The following STAP1 variants were observed in gnomAD, a reference collection of about 807,000 sequenced individuals.
STAP1 encodes the protein signal transducing adaptor family member 1, also known as signal-transducing adaptor protein 1.
Under a neutral mutation model 37.8 loss-of-function variants are expected in STAP1, and 30 were observed. That is an observed-to-expected ratio of 0.79 (90% confidence interval 0.59 to 1.08). The LOEUF is 1.08. Among genes scored for constraint, STAP1 ranks in the 50% least tolerant of loss-of-function variants. The pLI is 0.00. For synonymous variants in STAP1, 130 were observed against 116.0 expected, an observed-to-expected ratio of 1.12 and a Z score of -0.78; for missense variants, 357 against 349.4, an observed-to-expected ratio of 1.02 and a Z score of -0.17.
At chr4:67,590,984 A>G (rs780503699) in intron 7 of STAP1, 31 bp downstream of exon 7, 7 of 1,569,010 alleles carry the variant, frequency 4.5e-6, no homozygotes, top group Non-Finnish European at 5.2e-6. Flanking sequence ...TTGTTGATGA[A>G]CTTCCTCCCG....
At chr4:67,599,989 A>G (rs1042161551) in intron 8 of STAP1, among the ~76,000 whole-genome samples, 1 of 152,132 alleles carries the variant, frequency 6.6e-6, no homozygotes, top group Non-Finnish European at 1.5e-5. Flanking sequence ...GTATTTTTTT[A>G]AATTTAAATT....
chr4:67,578,589 G>A (rs921907723), intron 4 of STAP1, among the ~76,000 whole-genome samples: 8 of 152,124 alleles, frequency 5.3e-5, no homozygotes, highest in African/African-American at 1.9e-4. Flanking sequence ...ATATCTCTGA[G>A]TGGTATGGTG....
intron 1 of STAP1, among the ~76,000 whole-genome samples, chr4:67,562,071 A>T (rs1456974274): frequency 2.2e-4 from 2 of 9,220 alleles, no homozygotes; most frequent in African/African-American, 6.2e-4. Context: ...ACTCTGTCAA[A>T]AAAAAAAAAA....
At chr4:67,579,146 G>A (rs984824887) in intron 4 of STAP1, among the ~76,000 whole-genome samples, 2 of 152,082 alleles carry the variant, frequency 1.3e-5, no homozygotes, top group Admixed American at 6.5e-5. Flanking sequence ...GAGCCACCAC[G>A]CCCAGCCCAT....
chr4:67,583,703 G>A lies in STAP1; in HGVS notation c.659+1G>A. ...CCATCACTATTCGGCAGGAGATAGA[G>A]TATGTTTATTTTTTTTAAATGTATG... On this transcript the variant is annotated splice_donor_variant, in intron 6 of 8. Coordinates refer to ENST00000265404, the MANE Select transcript of STAP1 (RefSeq NM_012108.4). LOFTEE classifies it high-confidence loss of function. The A allele has an allele frequency of 6.2e-7, 1 of 1,607,604 alleles. No homozygotes were observed. The highest frequency in any genetic ancestry group is 8.5e-7 in the Non-Finnish European group (1 of 1,177,874).
At position 67,583,706 on chromosome 4, in the gene STAP1, T is replaced by A. The variant is rs1391974234; in HGVS notation, c.659+4T>A. ...TCACTATTCGGCAGGAGATAGAGTATGTTTATTTTTTTTAAATGTATGGAA... is the reference window on the plus strand; with the variant it reads ...TCACTATTCGGCAGGAGATAGAGTAAGTTTATTTTTTTTAAATGTATGGAA... On this transcript the variant is annotated splice_donor_region_variant and intron_variant, in intron 6 of 8. Coordinates refer to ENST00000265404, the MANE Select transcript of STAP1 (RefSeq NM_012108.4). The A allele has an allele frequency of 6.2e-7, 1 of 1,607,068 alleles. No homozygotes were observed. Among genetic ancestry groups the A allele is most frequent in the South Asian group, 1.1e-5 (1 of 89,620 alleles).
chr4:67,565,551 G>C (rs1164813721), intron 1 of STAP1, among the ~76,000 whole-genome samples: 1 of 152,202 alleles, frequency 6.6e-6, no homozygotes, highest in African/African-American at 2.4e-5. Flanking sequence ...TGTGAGTGTT[G>C]AGGCAATGCT....
chr4:67,571,411 T>G (rs1727603698), intron 2 of STAP1, among the ~76,000 whole-genome samples: 1 of 152,232 alleles, frequency 6.6e-6, no homozygotes, highest in African/African-American at 2.4e-5. Flanking sequence ...ATAACTAAAC[T>G]TAGTTAAAAA....
chr4:67,566,978 A>C (rs1328800506), intron 1 of STAP1, among the ~76,000 whole-genome samples: 1 of 152,130 alleles, frequency 6.6e-6, no homozygotes, highest in African/African-American at 2.4e-5. Flanking sequence ...TCCATCAAAA[A>C]ATAAAATAAA....
chr4:67,567,327 G>A (rs1012744347), intron 1 of STAP1, among the ~76,000 whole-genome samples: 1 of 151,936 alleles, frequency 6.6e-6, no homozygotes, highest in Admixed American at 6.6e-5. Flanking sequence ...TGGTTCAAGA[G>A]GCATCAGCAG....
intron 1 of STAP1, among the ~76,000 whole-genome samples, chr4:67,569,812 C>A (rs1727558880): frequency 6.6e-6 from 1 of 152,124 alleles, no homozygotes; most frequent in South Asian, 2.1e-4. Context: ...TCATTGCAAC[C>A]TCTGCCTCCT....
At chr4:67,577,680 C>T (rs529058667) in intron 4 of STAP1, among the ~76,000 whole-genome samples, 10 of 139,244 alleles carry the variant, frequency 7.2e-5, no homozygotes, top group African/African-American at 2.1e-4. Flanking sequence ...GATGAGGTCT[C>T]ACTATGTCAC....
chr4:67,559,622 C>G (rs944180659), intron 1 of STAP1, among the ~76,000 whole-genome samples: 12 of 151,858 alleles, frequency 7.9e-5, no homozygotes, highest in African/African-American at 2.7e-4. Flanking sequence ...ACTTTTAAAA[C>G]AGTAATTATG....
chr4:67,562,763 C>G (rs894502202), intron 1 of STAP1, among the ~76,000 whole-genome samples: 13 of 151,842 alleles, frequency 8.6e-5, no homozygotes, highest in Non-Finnish European at 1.8e-4. Flanking sequence ...CAGAGGGAGA[C>G]TCCATCTCAA....
intron 6 of STAP1, among the ~76,000 whole-genome samples, chr4:67,588,313 G>A (rs556095444): frequency 4.6e-5 from 7 of 151,998 alleles, no homozygotes; most frequent in Non-Finnish European, 8.8e-5. Context: ...GTTGACCTTT[G>A]CCACTTTTCC....
chr4:67,560,643 G>GGGGGTGT (rs370510074), intron 1 of STAP1, among the ~76,000 whole-genome samples: 7 of 149,490 alleles, frequency 4.7e-5, no homozygotes, highest in African/African-American at 1.2e-4. Context: ...TGTGTGTGTG[G>GGGGGTGT]GTGTGTGTCT....
At chr4:67,581,563 C>A in intron 5 of STAP1, 92 bp downstream of exon 5, 1 of 1,398,284 alleles carries the variant, frequency 7.2e-7, no homozygotes, top group Non-Finnish European at 9.8e-7. Context: ...CTTGTTAAGC[C>A]AGGGACAATA....
chr4:67,582,278 A>C (rs1343821900), intron 5 of STAP1, among the ~76,000 whole-genome samples: 1 of 151,768 alleles, frequency 6.6e-6, no homozygotes, highest in Non-Finnish European at 1.5e-5. Context: ...CACCGCTCAG[A>C]GATATTTGCT....
chr4:67,576,292 C>A (rs987417279), intron 3 of STAP1, among the ~76,000 whole-genome samples: 1 of 151,970 alleles, frequency 6.6e-6, no homozygotes, highest in Non-Finnish European at 1.5e-5. Flanking sequence ...TCTTTCTTTT[C>A]GACACTATAA....
Sources: allele counts gnomAD v4.1 joint callset (sites outside exome capture counted in the v4.1 genomes callset), GRCh38; gene constraint gnomAD v4.1.1; transcripts MANE v1.5; gene names NCBI Gene and HGNC (gene_info 2026-07-23, HGNC 2026-07-21).